Variants in C16orf89 observed in about 807,000 individuals in gnomAD.
The protein encoded by C16orf89 is chromosome 16 open reading frame 89.
In C16orf89, 57 loss-of-function variants were observed where a neutral mutation model predicts 41.5. The observed-to-expected ratio is 1.38, with a 90% CI of 1.11 to 1.71. The LOEUF is 1.71. Ranked by LOEUF, C16orf89 falls within the 40% of genes most tolerant of loss-of-function variation. The probability of loss-of-function intolerance (pLI) is 0.00; values close to 1 mark genes in which losing one functional copy is unlikely to be tolerated. For synonymous variants in C16orf89, 223 were observed against 190.6 expected (o/e 1.17, Z -1.40); for missense variants, 575 against 445.9 (o/e 1.29, Z -2.61).
At chr16:5,055,217 T>A in intron 6 of C16orf89, 29 bp downstream of exon 6, 288 of 1,245,380 alleles carry the variant, frequency 2.3e-4, no homozygotes, top group Middle Eastern at 3.8e-4. Context: ...ACTGCCCCCC[T>A]TCTTAGCCAG....
chr16:5,044,223 G>T lies in C16orf89; in HGVS notation c.*125C>A. 1 of 1,429,924 alleles carries T rather than the reference G, an allele frequency of 7.0e-7. No homozygotes were observed. The highest frequency in any genetic ancestry group is 9.1e-7 in the Non-Finnish European group (1 of 1,097,464). The allele number at this position is 1,429,924 out of a possible 1,614,324, so 88.6% of individuals were successfully genotyped here. ...TCAGGGCTTCCAAGATTGGGTGTCG[G>T]GGTGGCTTTGCTTATCCTCCAGATG... On this transcript the variant is annotated 3_prime_UTR_variant, in exon 8 of 8. Transcript: ENST00000472572.
chr16:5,047,761 G>A (rs1409047926), intron 7 of C16orf89, 117 bp downstream of exon 7: 4 of 699,592 alleles, frequency 5.7e-6, no homozygotes, highest in South Asian at 4.7e-5. Context: ...CCTCTGATTA[G>A]TGCCCCTTTG....
In C16orf89 at chr16:5,044,345, G is replaced by A. The variant is rs145853767; in HGVS notation, c.*3C>T. ...CCAGGCAGCTGGCATGGAACCGTCCGTCTCAGCGGCTGCTTGGTGGTGGCG... is the reference window on the plus strand; with the variant it reads ...CCAGGCAGCTGGCATGGAACCGTCCATCTCAGCGGCTGCTTGGTGGTGGCG... On this transcript the variant is annotated 3_prime_UTR_variant, in exon 8 of 8. Coordinates refer to ENST00000472572, the MANE Select transcript of C16orf89 (RefSeq NM_001098514.3). 4.2e-4 allele frequency: 668 copies of A among 1,600,234 alleles called. 1 individual carries two copies. In the African/African-American group the frequency reaches 6.8e-3, roughly 16 times the overall value.
In C16orf89 at chr16:5,045,828, C is replaced by T. The variant is rs139224575; in HGVS notation, c.956-1350G>A. 2.7e-3 allele frequency among the ~76,000 whole-genome samples: 418 copies of T among 152,280 alleles called. 2 individuals carry two copies. Among genetic ancestry groups the T allele is most frequent in the African/African-American group, 9.6e-3 (398 of 41,564 alleles). ...TCTCTACACCAGCTGCCTCCTGCTC[C>T]GTGGGCTTGTGTCATAAGTGCAAGA... On this transcript the variant is annotated intron_variant, in intron 7 of 7. Coordinates refer to ENST00000472572, the MANE Select transcript of C16orf89 (RefSeq NM_001098514.3).
chr16:5,050,353 G>A (rs945080586), intron 6 of C16orf89, among the ~76,000 whole-genome samples: 1 of 151,536 alleles, frequency 6.6e-6, no homozygotes, highest in Non-Finnish European at 1.5e-5. Context: ...GGGTGACAGA[G>A]CAAGACTCTG....
chr16:5,050,286 T>C (rs2142615751), intron 6 of C16orf89, among the ~76,000 whole-genome samples: 1 of 152,106 alleles, frequency 6.6e-6, no homozygotes. Flanking sequence ...GAGAATCACT[T>C]GAACCCGGGA....
intron 6 of C16orf89, 134 bp from the exon 7 acceptor site, chr16:5,048,098 GCTCACCACAAC>G: frequency 3.3e-6 from 2 of 610,558 alleles, no homozygotes; most frequent in South Asian, 3.9e-5. Context: ...CGCAATCATA[GCTCACCACAAC>G]CTCGAACTCC....
At chr16:5,059,268 A>G (rs1340431129) in intron 3 of C16orf89, among the ~76,000 whole-genome samples, 2 of 149,866 alleles carry the variant, frequency 1.3e-5, no homozygotes, top group Non-Finnish European at 2.9e-5. Context: ...ATAAATAAAA[A>G]TAAAATAAAA....
chr16:5,065,747 C>T lies in C16orf89; in HGVS notation c.162G>A (p.Leu54=). 3 of 1,614,154 alleles carry T rather than the reference C, an allele frequency of 1.9e-6. No individual in the cohort carries two copies. Among genetic ancestry groups the T allele is most frequent in the Non-Finnish European group, 2.5e-6 (3 of 1,179,964 alleles). ...ERATVFLEQR[L]PEINLDGMVG... is the part of the protein sequence containing the mutation. ...CCATGCCATCCAGGTTGATTTCAGG[C>T]AGCCTCTGTTCTAGGAAGACGGTGG... Residue 54 remains leucine, a synonymous_variant, in exon 1 of 8, where the codon CTG becomes CTA. Transcript: ENST00000472572.
intron 6 of C16orf89, among the ~76,000 whole-genome samples, chr16:5,050,836 T>TA (rs1423550038): frequency 8.5e-5 from 13 of 152,196 alleles, no homozygotes; most frequent in South Asian, 4.1e-4. Flanking sequence ...TTTTGCATTT[T>TA]AAAAAAAATC....
At chr16:5,048,620 A>C (rs1184341291) in intron 6 of C16orf89, among the ~76,000 whole-genome samples, 1 of 152,212 alleles carries the variant, frequency 6.6e-6, no homozygotes, top group Non-Finnish European at 1.5e-5. Flanking sequence ...GCCTTACAAG[A>C]AGTGCTCAAG....
chr16:5,063,646 T>C (rs1222328896), intron 1 of C16orf89, among the ~76,000 whole-genome samples: 1 of 152,188 alleles, frequency 6.6e-6, no homozygotes, highest in Non-Finnish European at 1.5e-5. Context: ...GTGAACCCTG[T>C]TGTGAATTGC....
In C16orf89 at chr16:5,048,366, C is replaced by A. The variant is rs866439797; in HGVS notation, c.869-402G>T. On this transcript the variant is annotated intron_variant, in intron 6 of 7. Transcript: ENST00000472572. ...GAATTTTTAAATGTTACTCACTAAA[C>A]CTCCTGCCCCCATAACATTTCAAGG... is the stretch of plus-strand genomic sequence containing the variant. Among the ~76,000 whole-genome samples, 8 of 152,292 alleles carry A rather than the reference C, an allele frequency of 5.3e-5. No homozygotes were observed. The South Asian group carries it at 1.4e-3, about 28-fold the overall frequency.
chr16:5,043,994 T>C, downstream of C16orf89: 1 of 420,574 alleles, frequency 2.4e-6, no homozygotes, highest in Non-Finnish European at 3.1e-6. Flanking sequence ...ACCTCATCTA[T>C]TAATTAAAAA....
At chr16:5,051,409 A>G (rs903347411) in intron 6 of C16orf89, among the ~76,000 whole-genome samples, 6 of 152,230 alleles carry the variant, frequency 3.9e-5, no homozygotes, top group African/African-American at 1.4e-4. Context: ...TACACCTACA[A>G]TGAACTAGCA....
chr16:5,044,341 G>A lies in C16orf89; in HGVS notation c.*7C>T, dbSNP rs376562597. ...TCCTCCAGGCAGCTGGCATGGAACC[G>A]TCCGTCTCAGCGGCTGCTTGGTGGT... On this transcript the variant is annotated 3_prime_UTR_variant, in exon 8 of 8. Coordinates refer to ENST00000472572, the MANE Select transcript of C16orf89 (RefSeq NM_001098514.3). 134 of 1,596,120 alleles carry A rather than the reference G, an allele frequency of 8.4e-5. No individual in the cohort carries two copies. Among genetic ancestry groups the A allele is most frequent in the Non-Finnish European group, 1.0e-4 (119 of 1,172,366 alleles).
intron 6 of C16orf89, among the ~76,000 whole-genome samples, chr16:5,049,202 A>T (rs1956355478): frequency 6.6e-6 from 1 of 152,238 alleles, no homozygotes; most frequent in South Asian, 2.1e-4. Context: ...GAGAACCCTA[A>T]AGCAAATGTT....
intron 2 of C16orf89, among the ~76,000 whole-genome samples, chr16:5,060,754 C>G (rs190727085): frequency 4.6e-5 from 7 of 152,174 alleles, no homozygotes; most frequent in African/African-American, 1.4e-4. Flanking sequence ...CATCCCAGCA[C>G]TTGGGGAGGC....
At chr16:5,052,099 C>CAAAAAA (rs35641084) in intron 6 of C16orf89, among the ~76,000 whole-genome samples, 2 of 78,730 alleles carry the variant, frequency 2.5e-5, no homozygotes, top group Non-Finnish European at 4.8e-5. Flanking sequence ...GAGACTGTCT[C>CAAAAAA]AAAAAAAAAA....
Sources: gnomAD v4.1 joint callset for allele counts (sites outside exome capture counted in the v4.1 genomes callset) on GRCh38, gnomAD v4.1.1 for gene constraint, MANE v1.5 for transcripts, NCBI Gene and HGNC (gene_info 2026-07-23, HGNC 2026-07-21) for gene names.